The following TANC2 variants were observed in gnomAD, a reference collection of about 807,000 sequenced individuals.
TANC2 encodes tetratricopeptide repeat, ankyrin repeat and coiled-coil containing 2, also known as protein TANC2.
A neutral mutation model predicts 210.5 loss-of-function variants in TANC2; 26 were observed. The ratio of observed to expected loss-of-function variants is 0.12; its 90% CI spans 0.09 to 0.17. The LOEUF is 0.17. TANC2 is among the 10% of genes least tolerant of loss of function. The pLI, the probability that TANC2 is intolerant of heterozygous loss-of-function variation, is 1.00. For missense variants in TANC2, 2,129 were observed against 2,608.9 expected (o/e 0.82, Z 4.01); for synonymous variants, 931 against 967.1 (o/e 0.96, Z 0.69).
intron 6 of TANC2, 26 bp from the exon 7 acceptor site, chr17:63,200,741 TCTTA>T (rs2041505729): frequency 1.9e-6 from 3 of 1,592,196 alleles, no homozygotes; most frequent in Non-Finnish European, 2.6e-6. Context: ...GATCAGGTTA[TCTTA>T]CTTATTCATG....
intron 11 of TANC2, 66 bp downstream of exon 11, chr17:63,319,156 G>A: frequency 2.0e-6 from 3 of 1,514,966 alleles, no homozygotes; most frequent in Non-Finnish European, 2.7e-6. Flanking sequence ...GCAAAGATAG[G>A]GAGACCTTTG....
At chr17:63,243,651 A>G (rs2042838510) in intron 8 of TANC2, among the ~76,000 whole-genome samples, 1 of 152,236 alleles carries the variant, frequency 6.6e-6, no homozygotes, top group Non-Finnish European at 1.5e-5. Flanking sequence ...TTCTATAATT[A>G]TAGAACTAAA....
intron 5 of TANC2, among the ~76,000 whole-genome samples, chr17:63,183,942 G>A (rs1444459490): frequency 7.2e-5 from 11 of 151,962 alleles, no homozygotes; most frequent in Admixed American, 2.0e-4. Flanking sequence ...GCGTGAACCC[G>A]GGAGGCGGAG....
Position 63,319,302 on chromosome 17 carries a change from G to A in TANC2, c.1575+212G>A, listed in dbSNP as rs189431913. 3.0e-3 allele frequency among the ~76,000 whole-genome samples: 460 copies of A among 152,186 alleles called. 3 individuals are homozygous for A. The highest frequency in any genetic ancestry group is 4.4e-3 in the Non-Finnish European group (302 of 68,002). Reference sequence around the variant, plus strand: ...AGTTGGAAAGACCCTTAGAAAAAACGTCTTCTAGTGAATAAATAAAGAAGT... The same window carrying A: ...AGTTGGAAAGACCCTTAGAAAAAACATCTTCTAGTGAATAAATAAAGAAGT... On this transcript the variant is annotated intron_variant, in intron 11 of 27. Transcript: ENST00000689528.
chr17:63,288,501 G>T (rs918835042), intron 9 of TANC2, among the ~76,000 whole-genome samples: 11 of 152,156 alleles, frequency 7.2e-5, no homozygotes, highest in Non-Finnish European at 1.5e-4. Context: ...TGCCCTTGTT[G>T]GGTAAAGTCA....
chr17:63,416,380 GTC>G (rs892878385), intron 26 of TANC2, among the ~76,000 whole-genome samples: 1 of 152,170 alleles, frequency 6.6e-6, no homozygotes, highest in Non-Finnish European at 1.5e-5. Context: ...TGTGTCAGGA[GTC>G]TCTGACATCT....
intron 7 of TANC2, among the ~76,000 whole-genome samples, chr17:63,207,919 T>A (rs1043063262): frequency 6.6e-6 from 1 of 152,232 alleles, no homozygotes; most frequent in Non-Finnish European, 1.5e-5. Context: ...TTTGCCAATC[T>A]GGATGATATG....
chr17:62,998,510 G>C (rs1357802713), intron 1 of TANC2, among the ~76,000 whole-genome samples: 5 of 152,184 alleles, frequency 3.3e-5, no homozygotes, highest in African/African-American at 1.2e-4. Flanking sequence ...CTAGAAAGAA[G>C]GGGTGGGTCA....
chr17:63,367,664 G>GGAAT (rs1278415343), intron 14 of TANC2, among the ~76,000 whole-genome samples: 2 of 152,122 alleles, frequency 1.3e-5, no homozygotes, highest in African/African-American at 2.4e-5. Context: ...AAGCAGCAAG[G>GGAAT]GAATGCAGGA....
intron 9 of TANC2, among the ~76,000 whole-genome samples, chr17:63,310,730 A>G (rs1432637022): frequency 6.6e-6 from 1 of 152,222 alleles, no homozygotes; most frequent in African/African-American, 2.4e-5. Context: ...CAAAATATAC[A>G]TTAAACACAA....
chr17:63,046,325 CTTTTTTT>C (rs57550590), intron 2 of TANC2, among the ~76,000 whole-genome samples: 2,410 of 44,064 alleles, frequency 0.055, 49 homozygotes, highest in Non-Finnish European at 0.072. Context: ...ACACCCAGCT[CTTTTTTT>C]TTTTTTTTTT....
intron 9 of TANC2, among the ~76,000 whole-genome samples, chr17:63,301,379 T>C (rs1026996264): frequency 6.6e-6 from 1 of 152,202 alleles, no homozygotes; most frequent in Admixed American, 6.5e-5. Flanking sequence ...GTACCTCTGG[T>C]AGAATTCGGC....
At chr17:63,193,341 A>G (rs1294883294) in intron 5 of TANC2, among the ~76,000 whole-genome samples, 1 of 152,166 alleles carries the variant, frequency 6.6e-6, no homozygotes, top group African/African-American at 2.4e-5. Context: ...GTTCAGTACT[A>G]ATACACAAAA....
At chr17:63,314,653 A>G (rs1235813360) in exon 10 of TANC2, 1 of 1,613,610 alleles carries the variant, frequency 6.2e-7, no homozygotes. Context: ...CAGACAGCCC[A>G]CATGCCTCCC....
intron 8 of TANC2, among the ~76,000 whole-genome samples, chr17:63,262,094 G>A (rs1041892105): frequency 3.3e-5 from 5 of 152,112 alleles, no homozygotes; most frequent in Admixed American, 6.5e-5. Context: ...GAATAAATTA[G>A]TATAACACAC....
chr17:63,385,074 C>T (rs1424584176), intron 15 of TANC2, among the ~76,000 whole-genome samples: 2 of 152,090 alleles, frequency 1.3e-5, no homozygotes, highest in African/African-American at 4.8e-5. Context: ...TAAATTCTAC[C>T]TCCTAGGGCT....
At chr17:63,330,312 G>A (rs1450269909) in intron 11 of TANC2, among the ~76,000 whole-genome samples, 1 of 152,160 alleles carries the variant, frequency 6.6e-6, no homozygotes, top group African/African-American at 2.4e-5. Context: ...GCTGATACAC[G>A]AGCTGTAGCA....
At chr17:63,267,708 T>G (rs780550057) in intron 8 of TANC2, 40 bp from the exon 9 acceptor site, 7 of 1,599,076 alleles carry the variant, frequency 4.4e-6, no homozygotes, top group Middle Eastern at 1.7e-4. Context: ...AGACATTTTC[T>G]GAACTTAAAT....
chr17:63,292,007 G>A (rs1355212010), intron 9 of TANC2, among the ~76,000 whole-genome samples: 1 of 152,190 alleles, frequency 6.6e-6, no homozygotes, highest in Non-Finnish European at 1.5e-5. Flanking sequence ...TTCATTAACT[G>A]TGGTAACAAA....
Sources: gnomAD v4.1 joint callset for allele counts (sites outside exome capture counted in the v4.1 genomes callset) on GRCh38, gnomAD v4.1.1 for gene constraint, MANE v1.5 for transcripts, NCBI Gene and HGNC (gene_info 2026-07-23, HGNC 2026-07-21) for gene names.